Variants in COL14A1 observed in about 807,000 individuals in gnomAD.
The protein encoded by COL14A1 is collagen type XIV alpha 1 chain.
COL14A1 carries 136 observed loss-of-function variants against 230.3 expected under a neutral mutation model. The ratio of observed to expected loss-of-function variants is 0.59; its 90% CI spans 0.51 to 0.68. The LOEUF is 0.68. Ranked by LOEUF, COL14A1 falls within the 30% of genes least tolerant of loss-of-function variation. COL14A1 has a pLI of 0.00. For missense variants in COL14A1, 1,976 were observed against 2,215.8 expected, an observed-to-expected ratio of 0.89 and a Z score of 2.17; for synonymous variants, 792 against 784.1, an observed-to-expected ratio of 1.01 and a Z score of -0.17.
rs1257789066 is a variant in COL14A1 at position 120,348,493 on chromosome 8, G to A, written c.5077+2930G>A. ...GGAGCTAAGCTATGAGGATGCAAAG[G>A]CATAAGAATGATACAATGGACTTTG... On this transcript the variant is annotated intron_variant, in intron 45 of 47. Transcript: ENST00000297848. Among the ~76,000 whole-genome samples, 4 of 151,930 alleles carry A rather than the reference G, an allele frequency of 2.6e-5. No individual in the cohort carries two copies. The East Asian group carries it at 7.7e-4, about 29-fold the overall frequency.
rs6996813 is a variant in COL14A1 at position 120,148,023 on chromosome 8, G to A, written c.88+93G>A. ...ATTTTATTTATCCTAACAATATGTC[G>A]GCTTTTACTGAGTTTTACCAACTGT... On this transcript the variant is annotated intron_variant, in intron 2 of 47. Transcript: ENST00000297848. 2.9e-3 allele frequency: 2,704 copies of A among 922,918 alleles called. 50 individuals are homozygous for A. In the African/African-American group the frequency reaches 0.039, roughly 13 times the overall value. 57.2% of individuals were successfully genotyped at this position (922,918 alleles called of 1,614,324 possible).
chr8:120,339,503 C>T (rs1445247332), intron 42 of COL14A1, among the ~76,000 whole-genome samples: 4 of 152,074 alleles, frequency 2.6e-5, no homozygotes, highest in Admixed American at 2.0e-4. Flanking sequence ...TTCTGAATAA[C>T]GACCATATCA....
At chr8:120,357,831 G>A (rs1769264424) in intron 45 of COL14A1, among the ~76,000 whole-genome samples, 1 of 152,136 alleles carries the variant, frequency 6.6e-6, no homozygotes, top group Non-Finnish European at 1.5e-5. Flanking sequence ...TAGGTTTTCA[G>A]AGGGAAACGC....
intron 34 of COL14A1, among the ~76,000 whole-genome samples, chr8:120,290,674 GA>G (rs1472521393): frequency 6.6e-6 from 1 of 152,174 alleles, no homozygotes; most frequent in Non-Finnish European, 1.5e-5. Context: ...TTGTAAAAAT[GA>G]AATCCTATAC....
At chr8:120,166,895 T>TGTGTGTGTG (rs1554600774) in intron 4 of COL14A1, among the ~76,000 whole-genome samples, 1 of 148,914 alleles carries the variant, frequency 6.7e-6, no homozygotes, top group Non-Finnish European at 1.5e-5. Flanking sequence ...TGTGTGTGTG[T>TGTGTGTGTG]GTGTGTGTGT....
chr8:120,316,323 G>A (rs544206915), intron 40 of COL14A1, among the ~76,000 whole-genome samples: 3 of 152,114 alleles, frequency 2.0e-5, no homozygotes, highest in East Asian at 3.9e-4. Context: ...AGGCATAAAT[G>A]TAAAGGAAAT....
chr8:120,237,721 A>G (rs954075453), intron 19 of COL14A1, among the ~76,000 whole-genome samples: 1 of 151,712 alleles, frequency 6.6e-6, no homozygotes, highest in Non-Finnish European at 1.5e-5. Flanking sequence ...CAGCCTTTTT[A>G]TGTTGGTTTT....
At chr8:120,363,552 G>A (rs1050015705) in intron 45 of COL14A1, among the ~76,000 whole-genome samples, 3 of 152,174 alleles carry the variant, frequency 2.0e-5, no homozygotes, top group South Asian at 2.1e-4. Context: ...AAACCTGCAC[G>A]TTCTGCCCAT....
intron 22 of COL14A1, among the ~76,000 whole-genome samples, chr8:120,252,910 G>A (rs770715392): frequency 6.6e-5 from 10 of 152,256 alleles, no homozygotes; most frequent in South Asian, 2.1e-4. Context: ...ACTCTCTGTC[G>A]TGGAATATCT....
chr8:120,140,750 A>G (rs1307983203), intron 1 of COL14A1, among the ~76,000 whole-genome samples: 1 of 152,202 alleles, frequency 6.6e-6, no homozygotes, highest in Admixed American at 6.5e-5. Flanking sequence ...GATGCCTGTA[A>G]GCATTGCTTA....
chr8:120,208,554 G>C (rs1048003001), intron 11 of COL14A1, among the ~76,000 whole-genome samples, 193 bp downstream of exon 11: 2 of 152,172 alleles, frequency 1.3e-5, no homozygotes, highest in East Asian at 3.9e-4. Context: ...GCTATGTCTT[G>C]AAAAAGTTGT....
chr8:120,192,444 G>T (rs1173709443), intron 5 of COL14A1, among the ~76,000 whole-genome samples: 2 of 152,080 alleles, frequency 1.3e-5, no homozygotes, highest in African/African-American at 2.4e-5. Context: ...TCCCTTTGTG[G>T]GTAACCCGAC....
intron 19 of COL14A1, chr8:120,231,837 A>C: frequency 2.0e-6 from 1 of 488,624 alleles, no homozygotes; most frequent in Non-Finnish European, 3.6e-6. Context: ...CAAGTTAATA[A>C]CCTCTGAACA....
chr8:120,266,920 T>C, intron 25 of COL14A1, 37 bp downstream of exon 25: 1 of 1,555,076 alleles, frequency 6.4e-7, no homozygotes, highest in East Asian at 2.2e-5. Context: ...GATTCTAGGT[T>C]TAGGATTTGT....
intron 5 of COL14A1, among the ~76,000 whole-genome samples, chr8:120,184,585 G>C (rs1272712360): frequency 6.6e-6 from 1 of 152,136 alleles, no homozygotes; most frequent in African/African-American, 2.4e-5. Context: ...TGGTTCATGT[G>C]ATTATGGAGG....
chr8:120,306,697 G>T (rs190857716), intron 36 of COL14A1, among the ~76,000 whole-genome samples: 230 of 152,302 alleles, frequency 1.5e-3, no homozygotes, highest in African/African-American at 5.4e-3. Flanking sequence ...TATGCCCAGT[G>T]ACAAGGGTTA....
At chr8:120,282,888 T>A (rs974115035) in intron 31 of COL14A1, among the ~76,000 whole-genome samples, 11 of 151,830 alleles carry the variant, frequency 7.2e-5, no homozygotes, top group African/African-American at 2.7e-4. Context: ...GAGGGAGAAG[T>A]CAAGCTGTGA....
chr8:120,178,871 T>C (rs1370472936), intron 5 of COL14A1, among the ~76,000 whole-genome samples: 3 of 152,172 alleles, frequency 2.0e-5, no homozygotes. Flanking sequence ...TGCATAAATA[T>C]ATTCTTTTCA....
intron 5 of COL14A1, among the ~76,000 whole-genome samples, chr8:120,192,519 G>T (rs1055555984): frequency 1.3e-5 from 2 of 152,128 alleles, no homozygotes; most frequent in African/African-American, 4.8e-5. Flanking sequence ...TGACAATTAT[G>T]TATCTTGGAG....
Sources: allele counts gnomAD v4.1 joint callset (sites outside exome capture counted in the v4.1 genomes callset), GRCh38; gene constraint gnomAD v4.1.1; transcripts MANE v1.5; gene names NCBI Gene and HGNC (gene_info 2026-07-23, HGNC 2026-07-21).